The following LMO7 variants were observed in gnomAD, a reference collection of about 807,000 sequenced individuals.
LMO7 encodes the protein LIM domain 7, also known as LIM domain only protein 7.
LMO7 carries 120 observed loss-of-function variants against 206.5 expected under a neutral mutation model. The observed-to-expected ratio is 0.58, with a 90% confidence interval of 0.50 to 0.68. The LOEUF (loss-of-function observed/expected upper bound fraction) is 0.68, where lower values mean the gene tolerates loss of function less well. Ranked by LOEUF, LMO7 falls within the 30% of genes least tolerant of loss-of-function variation. The probability of loss-of-function intolerance (pLI) is 0.00; values close to 1 mark genes in which losing one functional copy is unlikely to be tolerated. For missense variants in LMO7, 1,959 were observed against 1,957.9 expected, an observed-to-expected ratio of 1.00 and a Z score of -0.01; for synonymous variants, 706 against 681.5, an observed-to-expected ratio of 1.04 and a Z score of -0.56.
chr13:75,784,470 G>C (rs2052075762), intron 4 of LMO7, among the ~76,000 whole-genome samples: 1 of 152,114 alleles, frequency 6.6e-6, no homozygotes, highest in African/African-American at 2.4e-5. Context: ...CCCACTTATA[G>C]GCAGGGTAGA....
intron 12 of LMO7, among the ~76,000 whole-genome samples, chr13:75,818,543 T>TG (rs145312152): frequency 0.14 from 20,943 of 152,130 alleles, 1,828 homozygotes; most frequent in Admixed American, 0.22. Flanking sequence ...CCTAGGTTTC[T>TG]GGGGGGGATT....
chr13:75,793,896 T>C (rs1270860639), intron 4 of LMO7, among the ~76,000 whole-genome samples: 2 of 151,856 alleles, frequency 1.3e-5, no homozygotes, highest in Admixed American at 6.5e-5. Context: ...GTCTTTGTAC[T>C]TTATATGAAT....
chr13:75,711,620 C>T (rs1161530219), intron 1 of LMO7, among the ~76,000 whole-genome samples: 1 of 152,218 alleles, frequency 6.6e-6, no homozygotes, highest in East Asian at 1.9e-4. Flanking sequence ...GCTGCACCCC[C>T]CCTGTCCTGC....
rs769325463 is a variant in LMO7, at chr13:75,857,995, T to G, written c.*52T>G. On this transcript the variant is annotated 3_prime_UTR_variant, in exon 31 of 31. Transcript: ENST00000377534. ...TGCAGATAGAAGAAGAGGTGGTTGC[T>G]GCTCATGTAGATCTATAAATATGTG... The G allele has an allele frequency of 6.2e-7, 1 of 1,606,124 alleles. No homozygotes were observed. Among genetic ancestry groups the G allele is most frequent in the East Asian group, 2.3e-5 (1 of 44,384 alleles).
intron 1 of LMO7, among the ~76,000 whole-genome samples, chr13:75,695,081 A>T (rs1057024629): frequency 7.9e-5 from 12 of 152,060 alleles, no homozygotes; most frequent in African/African-American, 2.9e-4. Context: ...TCAGGCAAGG[A>T]TCTTCAATTT....
chr13:75,710,812 C>T (rs897557054), intron 1 of LMO7, among the ~76,000 whole-genome samples: 2 of 152,102 alleles, frequency 1.3e-5, no homozygotes, highest in Non-Finnish European at 2.9e-5. Context: ...CCTGATTGCC[C>T]TGGCCAGAAC....
At chr13:75,641,763 T>C (rs1343289625) in intron 1 of LMO7, among the ~76,000 whole-genome samples, 1 of 152,154 alleles carries the variant, frequency 6.6e-6, no homozygotes. Flanking sequence ...TAAGTGATTC[T>C]CCTGTCTCAG....
intron 1 of LMO7, among the ~76,000 whole-genome samples, chr13:75,643,179 C>T (rs541105667): frequency 1.2e-4 from 19 of 152,208 alleles, no homozygotes; most frequent in African/African-American, 4.1e-4. Flanking sequence ...CTCTGGATGC[C>T]GAGAGTGCTT....
At chr13:75,759,310 TA>T (rs879521615) in intron 3 of LMO7, among the ~76,000 whole-genome samples, 1 of 152,108 alleles carries the variant, frequency 6.6e-6, no homozygotes, top group African/African-American at 2.4e-5. Context: ...GAACTTGGGG[TA>T]TTGGTACATC....
At chr13:75,720,563 A>C (rs1424616279) in intron 2 of LMO7, among the ~76,000 whole-genome samples, 22 of 152,144 alleles carry the variant, frequency 1.4e-4, no homozygotes, top group Non-Finnish European at 2.9e-5. Context: ...GACATTGGGA[A>C]ATTTTCTACT....
chr13:75,803,181 G>A (rs1183317875), intron 7 of LMO7, among the ~76,000 whole-genome samples: 1 of 152,166 alleles, frequency 6.6e-6, no homozygotes, highest in Non-Finnish European at 1.5e-5. Flanking sequence ...CTTTTGCCAA[G>A]ACTCTACTCT....
intron 1 of LMO7, among the ~76,000 whole-genome samples, chr13:75,671,411 C>A (rs2039568790): frequency 6.6e-6 from 1 of 152,126 alleles, no homozygotes; most frequent in Non-Finnish European, 1.5e-5. Context: ...GCTGCGATAT[C>A]ACTAGATAGA....
chr13:75,857,855 C>A (rs2061092769), intron 30 of LMO7, 66 bp from the exon 31 acceptor site: 2 of 1,133,030 alleles, frequency 1.8e-6, no homozygotes, highest in Non-Finnish European at 2.6e-6. Context: ...TGCTATGTAT[C>A]CCAGATGGCA....
chr13:75,849,325 T>C (rs767939301), intron 27 of LMO7, 33 bp downstream of exon 27: 20 of 1,505,094 alleles, frequency 1.3e-5, no homozygotes, highest in Non-Finnish European at 2.8e-6. Context: ...GTTTCTTGTC[T>C]TTACTGTGAG....
At chr13:75,632,330 G>A (rs74510440), upstream of LMO7, among the ~76,000 whole-genome samples, 159 of 152,258 alleles carry the variant, frequency 1.0e-3, 2 homozygotes, top group East Asian at 0.027. Context: ...GAGCTGACTT[G>A]AAACAGGATT....
intron 19 of LMO7, among the ~76,000 whole-genome samples, chr13:75,836,717 G>C (rs1303111851): frequency 1.3e-5 from 2 of 152,202 alleles, no homozygotes; most frequent in African/African-American, 4.8e-5. Flanking sequence ...AGTCAAATAA[G>C]AAAGACTGGT....
At chr13:75,791,057 A>G (rs1320685419) in intron 4 of LMO7, among the ~76,000 whole-genome samples, 2 of 151,686 alleles carry the variant, frequency 1.3e-5, no homozygotes, top group Non-Finnish European at 2.9e-5. Context: ...GCTCACTGCA[A>G]ACTCTGCCTC....
chr13:75,728,701 A>G (rs1215878378), intron 3 of LMO7, among the ~76,000 whole-genome samples: 1 of 133,860 alleles, frequency 7.5e-6, no homozygotes, highest in African/African-American at 3.1e-5. Context: ...GTCCTTGCCC[A>G]TGCCTATATC....
At chr13:75,716,101 C>G (rs891177102) in intron 2 of LMO7, among the ~76,000 whole-genome samples, 2 of 152,108 alleles carry the variant, frequency 1.3e-5, no homozygotes, top group East Asian at 3.9e-4. Context: ...TTAGAAACCT[C>G]TAGGCATTCT....
Sources: allele counts gnomAD v4.1 joint callset (sites outside exome capture counted in the v4.1 genomes callset), GRCh38; gene constraint gnomAD v4.1.1; transcripts MANE v1.5; gene names NCBI Gene and HGNC (gene_info 2026-07-23, HGNC 2026-07-21).